Variants in MIPEP observed in about 807,000 individuals in gnomAD.
MIPEP encodes mitochondrial intermediate peptidase.
A neutral mutation model predicts 90.3 loss-of-function variants in MIPEP; 79 were observed. That is an observed-to-expected ratio of 0.87 (90% CI 0.73 to 1.05). The LOEUF is 1.05. Among genes scored for constraint, MIPEP ranks in the 50% least tolerant of loss-of-function variants. MIPEP has a pLI of 0.00. For synonymous variants in MIPEP, 334 were observed against 315.8 expected (o/e 1.06, Z -0.61); for missense variants, 940 against 905.6 (o/e 1.04, Z -0.49).
chr13:23,857,830 G>A (rs541117291), intron 10 of MIPEP, among the ~76,000 whole-genome samples: 6 of 152,210 alleles, frequency 3.9e-5, no homozygotes, highest in South Asian at 4.1e-4. Context: ...GACAAATGCT[G>A]AAATAAATAA....
chr13:23,772,321 A>G (rs1952662308), intron 16 of MIPEP, among the ~76,000 whole-genome samples: 1 of 151,940 alleles, frequency 6.6e-6, no homozygotes, highest in Admixed American at 6.6e-5. Flanking sequence ...TTTTTTTAAC[A>G]ACAACAACAA....
chr13:23,777,005 C>T (rs574365521), intron 16 of MIPEP, among the ~76,000 whole-genome samples: 1 of 152,218 alleles, frequency 6.6e-6, no homozygotes, highest in East Asian at 1.9e-4. Context: ...CAGGTTTGCT[C>T]AAAATGCTTA....
chr13:23,855,220 A>G (rs138525339), intron 10 of MIPEP, among the ~76,000 whole-genome samples: 25 of 152,322 alleles, frequency 1.6e-4, no homozygotes, highest in African/African-American at 5.8e-4. Context: ...TTCCATGAAG[A>G]ATCTTACAAT....
chr13:23,879,275 C>A lies in MIPEP; in HGVS notation c.532G>T (p.Glu178Ter), dbSNP rs375364056. 3 of 1,596,822 alleles carry A rather than the reference C, an allele frequency of 1.9e-6. No individual in the cohort carries two copies. The highest frequency in any genetic ancestry group is 2.6e-6 in the Non-Finnish European group (3 of 1,165,392). ...DKKLVDSLDP[E>*]TRRVAELFMF... ...AAAGAAATGAGTGAGTACCTTGTTT[C>A]TGGATCAAGGGAATCCACAAGTTTT... The change falls in exon 4 of 19, where the codon GAA (glutamate) becomes TAA (stop). Residue 178 changes from glutamate to a stop codon, truncating the protein, a stop_gained. Coordinates refer to ENST00000382172, the MANE Select transcript of MIPEP (RefSeq NM_005932.4). LOFTEE classifies it high-confidence loss of function.
Position 23,770,574 on chromosome 13 carries a change from T to C in MIPEP, c.1849-10357A>G, listed in dbSNP as rs114072546. 5.4e-3 allele frequency among the ~76,000 whole-genome samples: 816 copies of C among 152,064 alleles called. 14 individuals are homozygous for C. The highest frequency in any genetic ancestry group is 0.018 in the African/African-American group (761 of 41,446). ...TCCCACTCCATACCCTCTTGCTCAA[T>C]CAGGGCCTAACTCCCCTGCCTGCCA... is the stretch of plus-strand genomic sequence containing the variant. On this transcript the variant is annotated intron_variant, in intron 16 of 18. Coordinates refer to ENST00000382172, the MANE Select transcript of MIPEP (RefSeq NM_005932.4).
In MIPEP at chr13:23,869,409, C is replaced by T; in HGVS notation, c.826G>A (p.Ala276Thr). Residue 276 changes from alanine (A) to threonine (T), a missense_variant, in exon 7 of 19, where the codon GCT (alanine) becomes ACT (threonine). By Grantham distance (58) the Ala-to-Thr change is moderately conservative (BLOSUM62 0). Transcript: ENST00000382172. ...TCTTCTAAACATTTCAATTGACCAG[C>T]ATTGGGATAAAGAAAAATTTTATAA... ...AAYKIFLYPNAGQLKCLEELL... is the reference protein window; with the variant it reads ...AAYKIFLYPNTGQLKCLEELL... 1 of 1,608,680 alleles carries T rather than the reference C, an allele frequency of 6.2e-7. No individual in the cohort carries two copies. The highest frequency in any genetic ancestry group is 8.5e-7 in the Non-Finnish European group (1 of 1,178,922).
At chr13:23,851,794 G>A (rs185433060) in intron 10 of MIPEP, among the ~76,000 whole-genome samples, 3 of 152,042 alleles carry the variant, frequency 2.0e-5, no homozygotes, top group Admixed American at 6.5e-5. Flanking sequence ...TCCAGGATTC[G>A]AGTGATCCTC....
At chr13:23,746,226 C>T (rs897054145) in intron 18 of MIPEP, among the ~76,000 whole-genome samples, 1 of 150,736 alleles carries the variant, frequency 6.6e-6, no homozygotes, top group African/African-American at 2.4e-5. Context: ...GTTGGCCAGG[C>T]TGGTCTTGAA....
Position 23,809,594 on chromosome 13 carries a change from C to T in MIPEP, c.1728+256G>A, listed in dbSNP as rs146581163. ...TCCTGACCTCGTGATTCGCCCACCT[C>T]GGCCTCCCAAAGTGCTGGGATTACA... On this transcript the variant is annotated intron_variant, in intron 15 of 18. Coordinates refer to ENST00000382172, the MANE Select transcript of MIPEP (RefSeq NM_005932.4). Among the ~76,000 whole-genome samples, 1,305 of 152,208 alleles carry T rather than the reference C, an allele frequency of 8.6e-3. 8 individuals carry two copies. The highest frequency in any genetic ancestry group is 0.012 in the Non-Finnish European group (818 of 68,016).
chr13:23,841,515 G>T, intron 10 of MIPEP, 27 bp from the exon 11 acceptor site: 1 of 1,567,266 alleles, frequency 6.4e-7, no homozygotes, highest in East Asian at 2.3e-5. Flanking sequence ...AGGTTCAACA[G>T]CATCTTTGTT....
intron 2 of MIPEP, among the ~76,000 whole-genome samples, chr13:23,884,563 G>A (rs530402080): frequency 6.6e-5 from 10 of 152,206 alleles, no homozygotes; most frequent in South Asian, 2.1e-4. Flanking sequence ...AGCTGACAGC[G>A]GGCACATCCC....
chr13:23,779,397 A>G (rs746289717), intron 16 of MIPEP, among the ~76,000 whole-genome samples: 1 of 152,238 alleles, frequency 6.6e-6, no homozygotes, highest in Non-Finnish European at 1.5e-5. Flanking sequence ...TCAGCTAGAA[A>G]AAGGTGGGAG....
chr13:23,823,128 G>A (rs1953328821), intron 14 of MIPEP, among the ~76,000 whole-genome samples: 1 of 152,044 alleles, frequency 6.6e-6, no homozygotes, highest in Non-Finnish European at 1.5e-5. Flanking sequence ...GAAAAACAAA[G>A]ATGAGCAAAC....
At chr13:23,835,767 G>A (rs901515918) in intron 14 of MIPEP, among the ~76,000 whole-genome samples, 2 of 152,094 alleles carry the variant, frequency 1.3e-5, no homozygotes, top group Non-Finnish European at 2.9e-5. Flanking sequence ...TAAAATTAAG[G>A]ACTTTTCAGA....
intron 2 of MIPEP, 129 bp from the exon 3 acceptor site, chr13:23,881,916 C>G: frequency 1.5e-6 from 1 of 655,974 alleles, no homozygotes; most frequent in Non-Finnish European, 2.7e-6. Flanking sequence ...CCATTACTGA[C>G]TTTTTCCTAA....
chr13:23,876,179 G>A (rs1555242403), intron 4 of MIPEP, among the ~76,000 whole-genome samples: 1 of 152,090 alleles, frequency 6.6e-6, no homozygotes, highest in Non-Finnish European at 1.5e-5. Context: ...TAACTAGAGA[G>A]GATCCATCAT....
At position 23,889,397 on chromosome 13, in the gene MIPEP, T is replaced by C; in HGVS notation, c.-77A>G. 1 of 1,217,668 alleles carries C rather than the reference T, an allele frequency of 8.2e-7. No homozygotes were observed. Among genetic ancestry groups the C allele is most frequent in the South Asian group, 3.7e-5 (1 of 26,742 alleles). 75.4% of individuals were successfully genotyped at this position (1,217,668 alleles called of 1,614,324 possible). ...TTCGCTGGGAGCGCGCGCTCCGCGT[T>C]TCCAAGGCAGCAGCCCACGCCGCCC... is the stretch of plus-strand genomic sequence containing the variant. On this transcript the variant is annotated 5_prime_UTR_variant, in exon 1 of 19. Transcript: ENST00000382172.
intron 16 of MIPEP, among the ~76,000 whole-genome samples, chr13:23,773,990 C>T (rs998912062): frequency 1.3e-5 from 2 of 152,172 alleles, no homozygotes; most frequent in African/African-American, 4.8e-5. Flanking sequence ...TCTAAGAAGC[C>T]ATTGCCTAAT....
Position 23,760,216 on chromosome 13 carries a change from G to C in MIPEP, c.1850C>G (p.Ala617Gly). 6.2e-7 allele frequency: 1 copy of C among 1,613,984 alleles called. No individual in the cohort carries two copies. Among genetic ancestry groups the C allele is most frequent in the Non-Finnish European group, 8.5e-7 (1 of 1,179,992 alleles). Residue 617 changes from alanine to glycine, a missense_variant and splice_region_variant, in exon 17 of 19, where the codon GCC becomes GGC. Ala to Gly is a moderately conservative substitution (Grantham distance 60). Coordinates refer to ENST00000382172, the MANE Select transcript of MIPEP (RefSeq NM_005932.4). Reference protein sequence around the residue: ...FYGLPYVPNTAWQLRFSHLVG... With the variant: ...FYGLPYVPNTGWQLRFSHLVG... The stretch of plus-strand genomic sequence containing the variant: ...GAGGTGGCTGAATCGCAGCTGCCAG[G>C]CCTGCCAAGAACAGAGAGACACAGC...
Sources: allele counts gnomAD v4.1 joint callset (sites outside exome capture counted in the v4.1 genomes callset), GRCh38; gene constraint gnomAD v4.1.1; transcripts MANE v1.5; gene names NCBI Gene and HGNC (gene_info 2026-07-23, HGNC 2026-07-21).